Variants in CNTLN observed in about 807,000 individuals in gnomAD.
CNTLN encodes centlein, centrosomal protein.
CNTLN carries 212 observed loss-of-function variants against 180.0 expected under a neutral mutation model. That is an observed-to-expected ratio of 1.18 (90% CI 1.05 to 1.32). The LOEUF is 1.32. CNTLN is among the 40% of genes most tolerant of loss of function. The pLI is 0.00. For synonymous variants in CNTLN, 722 were observed against 563.1 expected, an observed-to-expected ratio of 1.28 and a Z score of -3.99; for missense variants, 2,095 against 1,610.9, an observed-to-expected ratio of 1.30 and a Z score of -5.14.
At chr9:17,211,424 T>G (rs1264285448) in intron 2 of CNTLN, among the ~76,000 whole-genome samples, 1 of 152,236 alleles carries the variant, frequency 6.6e-6, no homozygotes, top group Non-Finnish European at 1.5e-5. Context: ...ATCTCTGTTT[T>G]GGTACCAGTA....
the CNTLN span, among the ~76,000 whole-genome samples, chr9:17,514,173 A>G: frequency 6.7e-6 from 1 of 148,936 alleles, no homozygotes; most frequent in Non-Finnish European, 1.5e-5. Context: ...AACTGGGCGT[A>G]ATGACACATG....
intron 13 of CNTLN, among the ~76,000 whole-genome samples, chr9:17,380,491 T>G (rs1438057938): frequency 6.6e-6 from 1 of 152,168 alleles, no homozygotes; most frequent in Non-Finnish European, 1.5e-5. Context: ...CCAGGACCTG[T>G]GTCCTTGAGT....
At chr9:17,316,336 C>T (rs1035897199) in intron 8 of CNTLN, among the ~76,000 whole-genome samples, 6 of 151,934 alleles carry the variant, frequency 3.9e-5, no homozygotes, top group African/African-American at 9.7e-5. Context: ...TAATCTAAAA[C>T]GTTTCTCTTG....
rs1820293135 is a variant in CNTLN, at chr9:17,169,508, GT to G, written c.449+26138del. On this transcript the variant is annotated intron_variant, in intron 2 of 25. Transcript: ENST00000380647. ...CGATGTCAAGGAGCTTTTCCCTATT[GT>G]TTTTTCTAGTTTTGTGATTTCAAGT... Among the ~76,000 whole-genome samples, 6 of 152,152 alleles carry G rather than the reference GT, an allele frequency of 3.9e-5. No individual in the cohort carries two copies. In the South Asian group the frequency reaches 1.0e-3, roughly 26 times the overall value.
chr9:17,396,187 A>G (rs1826507673), intron 15 of CNTLN, among the ~76,000 whole-genome samples: 1 of 152,220 alleles, frequency 6.6e-6, no homozygotes, highest in African/African-American at 2.4e-5. Context: ...AACCATAAAA[A>G]TGGGCAACCA....
intron 6 of CNTLN, among the ~76,000 whole-genome samples, chr9:17,288,535 A>G (rs1400474555): frequency 7.2e-6 from 1 of 137,932 alleles, no homozygotes; most frequent in Admixed American, 7.2e-5. Flanking sequence ...CACTTGGTGC[A>G]GAGCTGAGTT....
intron 2 of CNTLN, among the ~76,000 whole-genome samples, chr9:17,175,017 A>C: frequency 6.6e-6 from 1 of 152,166 alleles, no homozygotes; most frequent in Non-Finnish European, 1.5e-5. Context: ...GAGTTTTCAA[A>C]GTTCTTTTCA....
At position 17,307,972 on chromosome 9, in the gene CNTLN, CCACACACACACACACA is replaced by C. The variant is rs3837233; in HGVS notation, c.1147-1055_1147-1040del. Among the ~76,000 whole-genome samples, 44 of 137,910 alleles carry C rather than the reference CCACACACACACACACA, an allele frequency of 3.2e-4. 1 individual carries two copies. The highest frequency in any genetic ancestry group is 5.8e-4 in the African/African-American group (22 of 37,672). The allele number at this position is 137,910 out of a possible 152,430, so 90.5% of individuals were successfully genotyped here. Reference sequence around the variant, plus strand: ...AAGATTTTACTGTTAGCCTTTAAAACCACACACACACACACACACACACACACACACACACACACAC... The same window carrying C: ...AAGATTTTACTGTTAGCCTTTAAAACCACACACACACACACACACACACAC... On this transcript the variant is annotated intron_variant, in intron 7 of 25. Transcript: ENST00000380647.
intron 6 of CNTLN, among the ~76,000 whole-genome samples, chr9:17,283,295 G>A (rs1353866902): frequency 6.6e-6 from 1 of 151,984 alleles, no homozygotes; most frequent in Non-Finnish European, 1.5e-5. Flanking sequence ...CCTTGAAGAG[G>A]TCCTTCACTC....
chr9:17,232,885 T>C (rs1824900930), intron 3 of CNTLN, among the ~76,000 whole-genome samples: 1 of 152,124 alleles, frequency 6.6e-6, no homozygotes, highest in Admixed American at 6.5e-5. Context: ...TAGCTGAGAG[T>C]AGAAAAATTG....
At chr9:17,487,200 G>A in intron 25 of CNTLN, 134 bp downstream of exon 25, 3 of 679,620 alleles carry the variant, frequency 4.4e-6, no homozygotes. Context: ...TATTCCAATA[G>A]GTAGAAAGGA....
In CNTLN at chr9:17,437,271, G is replaced by C. The variant is rs372768241; in HGVS notation, c.3115-20253G>C. Among the ~76,000 whole-genome samples, 72 of 152,170 alleles carry C rather than the reference G, an allele frequency of 4.7e-4. 1 individual carries two copies. The South Asian group carries it at 0.015, about 31-fold the overall frequency. ...CTGTGTCCTATATTAGACTTTGTAG[G>C]AAACTATTATTACCACTTGGAACAC... is the stretch of plus-strand genomic sequence containing the variant. On this transcript the variant is annotated intron_variant, in intron 18 of 25. Transcript: ENST00000380647.
chr9:17,245,576 G>T (rs1825751296), intron 5 of CNTLN, among the ~76,000 whole-genome samples: 1 of 151,138 alleles, frequency 6.6e-6, no homozygotes, highest in Admixed American at 6.6e-5. Flanking sequence ...CTTGGATATT[G>T]ATATCTTTCC....
rs78455794 is a variant in CNTLN at position 17,496,772 on chromosome 9, A to G, written c.4120-5779A>G. Among the ~76,000 whole-genome samples, 138 of 152,306 alleles carry G rather than the reference A, an allele frequency of 9.1e-4. 2 individuals are homozygous for G. In the East Asian group the frequency reaches 0.025, roughly 28 times the overall value. ...GTTAACAGTGGACTGTAGACTCTTA[A>G]AGCATTATCTCTAGCGTGTATATCT... On this transcript the variant is annotated intron_variant, in intron 25 of 25. Coordinates refer to ENST00000380647, the MANE Select transcript of CNTLN (RefSeq NM_017738.4).
intron 2 of CNTLN, 52 bp from the exon 3 acceptor site, chr9:17,226,151 A>G: frequency 1.1e-6 from 1 of 916,204 alleles, no homozygotes; most frequent in Non-Finnish European, 1.6e-6. Flanking sequence ...ATGAAAATTT[A>G]AAGTATTAGC....
chr9:17,442,411 G>T (rs546203958), intron 18 of CNTLN, among the ~76,000 whole-genome samples: 116 of 152,238 alleles, frequency 7.6e-4, no homozygotes, highest in African/African-American at 2.7e-3. Context: ...AACTTTCTCT[G>T]TTTTTGAGAT....
intron 2 of CNTLN, among the ~76,000 whole-genome samples, chr9:17,160,987 A>G (rs974509646): frequency 6.6e-6 from 1 of 152,190 alleles, no homozygotes; most frequent in African/African-American, 2.4e-5. Flanking sequence ...ATACTCTCTA[A>G]TAGGAAAGAC....
chr9:17,342,710 C>T (rs1006978036), intron 12 of CNTLN, among the ~76,000 whole-genome samples: 2 of 152,070 alleles, frequency 1.3e-5, no homozygotes, highest in African/African-American at 4.8e-5. Flanking sequence ...TTGGAGGTGT[C>T]GCTCTTCATT....
At chr9:17,393,825 T>C (rs576484187) in intron 14 of CNTLN, among the ~76,000 whole-genome samples, 18 of 152,284 alleles carry the variant, frequency 1.2e-4, no homozygotes, top group African/African-American at 4.3e-4. Context: ...TTATATCCTT[T>C]ATTAGGTTTA....
Sources: allele counts gnomAD v4.1 joint callset (sites outside exome capture counted in the v4.1 genomes callset), GRCh38; gene constraint gnomAD v4.1.1; transcripts MANE v1.5; gene names NCBI Gene and HGNC (gene_info 2026-07-23, HGNC 2026-07-21).